Variants in WDR70 observed in about 807,000 individuals in gnomAD.
WDR70 encodes WD repeat-containing protein 70.
In WDR70, 53 loss-of-function variants were observed where a neutral mutation model predicts 88.6. The observed-to-expected ratio is 0.60, with a 90% CI of 0.48 to 0.75. The LOEUF (loss-of-function observed/expected upper bound fraction) is 0.75. Among genes scored for constraint, WDR70 ranks in the 30% least tolerant of loss-of-function variants. The probability of loss-of-function intolerance (pLI) is 0.00; values close to 1 mark genes in which losing one functional copy is unlikely to be tolerated. For synonymous variants in WDR70, 280 were observed against 270.0 expected (o/e 1.04, Z -0.36); for missense variants, 610 against 823.2 (o/e 0.74, Z 3.17).
At chr5:37,470,895 T>TC (rs1161757164) in intron 7 of WDR70, among the ~76,000 whole-genome samples, 2 of 151,868 alleles carry the variant, frequency 1.3e-5, no homozygotes, top group Non-Finnish European at 2.9e-5. Context: ...GTACTTCTTT[T>TC]TTTTTTTTTT....
chr5:37,478,958 C>A (rs531581197), intron 7 of WDR70, among the ~76,000 whole-genome samples: 95 of 152,152 alleles, frequency 6.2e-4, no homozygotes, highest in African/African-American at 2.2e-3. Context: ...TATTGTAGTG[C>A]TAAAGAACTA....
chr5:37,742,364 T>C (rs1308944374), intron 17 of WDR70, among the ~76,000 whole-genome samples: 2 of 151,918 alleles, frequency 1.3e-5, no homozygotes, highest in Non-Finnish European at 2.9e-5. Flanking sequence ...ATTGAGCATC[T>C]TTTCATGCAC....
chr5:37,647,612 G>C (rs1028057020), intron 10 of WDR70, among the ~76,000 whole-genome samples: 1 of 152,214 alleles, frequency 6.6e-6, no homozygotes, highest in African/African-American at 2.4e-5. Flanking sequence ...ACCCTGTAAT[G>C]TGGTGGCTCT....
intron 9 of WDR70, among the ~76,000 whole-genome samples, chr5:37,575,123 A>G (rs1053313559): frequency 1.3e-5 from 2 of 152,188 alleles, no homozygotes; most frequent in Non-Finnish European, 2.9e-5. Flanking sequence ...CAGAGTGGAT[A>G]CTCATTAAAT....
intron 9 of WDR70, among the ~76,000 whole-genome samples, chr5:37,564,797 C>T (rs1742690252): frequency 6.6e-6 from 1 of 152,058 alleles, no homozygotes; most frequent in Admixed American, 6.5e-5. Flanking sequence ...TGAAGTTATC[C>T]ATTTATACTG....
chr5:37,522,639 C>T (rs1168039350), intron 9 of WDR70, among the ~76,000 whole-genome samples: 1 of 152,124 alleles, frequency 6.6e-6, no homozygotes, highest in Admixed American at 6.5e-5. Flanking sequence ...GGGTGCAGGA[C>T]AGTGGGTGCA....
At chr5:37,564,562 A>AGAGGGAGAGGGAGAG (rs368379470) in intron 9 of WDR70, among the ~76,000 whole-genome samples, 50,852 of 138,108 alleles carry the variant, frequency 0.37, 11,779 homozygotes, top group Non-Finnish European at 0.5. Context: ...GACCGTGGGG[A>AGAGGGAGAGGGAGAG]GAGGGAGAGG....
intron 9 of WDR70, among the ~76,000 whole-genome samples, chr5:37,578,288 T>C (rs890632476): frequency 1.3e-5 from 2 of 151,898 alleles, no homozygotes; most frequent in African/African-American, 4.8e-5. Context: ...AGTTAATGAG[T>C]TGAATAACCA....
At chr5:37,707,134 A>C (rs531433307) in intron 13 of WDR70, among the ~76,000 whole-genome samples, 404 of 152,310 alleles carry the variant, frequency 2.7e-3, no homozygotes, top group African/African-American at 9.5e-3. Context: ...AACAAATGAT[A>C]ATTTATTGTG....
At chr5:37,516,163 T>A (rs2112256230) in intron 8 of WDR70, among the ~76,000 whole-genome samples, 1 of 152,320 alleles carries the variant, frequency 6.6e-6, no homozygotes. Context: ...GGAGTTATGA[T>A]CTTTGAAGAA....
At chr5:37,625,438 A>G (rs971279149) in intron 10 of WDR70, among the ~76,000 whole-genome samples, 2 of 152,086 alleles carry the variant, frequency 1.3e-5, no homozygotes, top group African/African-American at 4.8e-5. Context: ...AGTGGTGTTC[A>G]TGAGTATTTT....
chr5:37,528,590 G>C (rs1355792173), intron 9 of WDR70, among the ~76,000 whole-genome samples: 2 of 151,936 alleles, frequency 1.3e-5, no homozygotes, highest in Non-Finnish European at 2.9e-5. Flanking sequence ...TAACAAACCT[G>C]CACGTTGTAC....
intron 10 of WDR70, among the ~76,000 whole-genome samples, chr5:37,678,889 C>G (rs1341890255): frequency 2.0e-5 from 3 of 152,300 alleles, no homozygotes; most frequent in Middle Eastern, 3.4e-3. Flanking sequence ...TAGATTTGGT[C>G]TTTTCACATA....
chr5:37,707,491 T>TA (rs552286287), intron 13 of WDR70, among the ~76,000 whole-genome samples: 93 of 152,312 alleles, frequency 6.1e-4, no homozygotes, highest in African/African-American at 2.1e-3. Context: ...AAGAAAGAAT[T>TA]AAAAAACTAA....
chr5:37,459,251 G>T (rs1738923878), intron 7 of WDR70, among the ~76,000 whole-genome samples: 1 of 78,152 alleles, frequency 1.3e-5, no homozygotes, highest in African/African-American at 3.4e-5. Flanking sequence ...TTCCAACTAT[G>T]TGGTCAATTT....
chr5:37,416,254 A>G (rs1396428594), intron 5 of WDR70, among the ~76,000 whole-genome samples: 2 of 152,206 alleles, frequency 1.3e-5, no homozygotes, highest in African/African-American at 2.4e-5. Context: ...TCCGTCTGCA[A>G]TCCCGGCACC....
At chr5:37,615,111 T>C (rs981424076) in intron 10 of WDR70, among the ~76,000 whole-genome samples, 1 of 151,962 alleles carries the variant, frequency 6.6e-6, no homozygotes, top group Non-Finnish European at 1.5e-5. Flanking sequence ...TCCTGGAAAG[T>C]ATATGTAAAT....
At chr5:37,509,754 A>G (rs902886960) in intron 8 of WDR70, among the ~76,000 whole-genome samples, 6 of 150,656 alleles carry the variant, frequency 4.0e-5, no homozygotes, top group Admixed American at 6.6e-5. Context: ...CTCGTTTTTC[A>G]ACAGGCTTTT....
intron 10 of WDR70, among the ~76,000 whole-genome samples, chr5:37,610,690 A>T (rs1401687036): frequency 6.6e-6 from 1 of 152,194 alleles, no homozygotes; most frequent in African/African-American, 2.4e-5. Context: ...AAATTCAGGG[A>T]ATGATCTGTA....
Sources: gnomAD v4.1 joint callset for allele counts (sites outside exome capture counted in the v4.1 genomes callset) on GRCh38, gnomAD v4.1.1 for gene constraint, MANE v1.5 for transcripts, NCBI Gene and HGNC (gene_info 2026-07-23, HGNC 2026-07-21) for gene names.